Variants in ADRA1A observed in about 807,000 individuals in gnomAD.
ADRA1A encodes the protein alpha-1A adrenergic receptor.
ADRA1A carries 31 observed loss-of-function variants against 29.6 expected under a neutral mutation model. That is an observed-to-expected ratio of 1.05 (90% CI 0.79 to 1.41). ADRA1A has a LOEUF of 1.41. ADRA1A is among the 40% of genes most tolerant of loss of function. ADRA1A has a pLI of 0.00. For synonymous variants in ADRA1A, 311 were observed against 254.3 expected, an observed-to-expected ratio of 1.22 and a Z score of -2.12; for missense variants, 619 against 601.1, an observed-to-expected ratio of 1.03 and a Z score of -0.31.
chr8:26,800,450 G>A (rs1808492412), intron 2 of ADRA1A, among the ~76,000 whole-genome samples: 1 of 152,034 alleles, frequency 6.6e-6, no homozygotes, highest in Non-Finnish European at 1.5e-5. Flanking sequence ...TTCAACAAAT[G>A]GTGTAAGAGT....
intron 2 of ADRA1A, among the ~76,000 whole-genome samples, chr8:26,849,630 C>T (rs1391454899): frequency 6.6e-6 from 1 of 152,154 alleles, no homozygotes; most frequent in Non-Finnish European, 1.5e-5. Context: ...GGAACCTACC[C>T]AGTTTCAAAC....
In ADRA1A at chr8:26,821,393, G is replaced by A. The variant is rs117307082; in HGVS notation, c.883+42694C>T. Among the ~76,000 whole-genome samples, 46 of 152,250 alleles carry A rather than the reference G, an allele frequency of 3.0e-4. No homozygotes were observed. Among genetic ancestry groups the A allele is most frequent in the Non-Finnish European group, 6.0e-4 (41 of 68,008 alleles). On this transcript the variant is annotated intron_variant, in intron 2 of 2. Coordinates refer to ENST00000380573, the MANE Select transcript of ADRA1A (RefSeq NM_000680.4). The surrounding 1 kb of genome is among the most constrained non-coding windows in gnomAD (Gnocchi z 5.6). ...TATCACATGGTGAGAGTGGGAGCAAGACAGAGCAAGGGAGTGGGGAGGCCT... is the reference window on the plus strand; with the variant it reads ...TATCACATGGTGAGAGTGGGAGCAAAACAGAGCAAGGGAGTGGGGAGGCCT...
At chr8:26,843,280 G>A (rs1811961105) in intron 2 of ADRA1A, among the ~76,000 whole-genome samples, 1 of 152,228 alleles carries the variant, frequency 6.6e-6, no homozygotes, top group South Asian at 2.1e-4. Flanking sequence ...TCATCAGCAA[G>A]TGCAGGATAA....
At chr8:26,781,066 C>T (rs1173777617) in intron 2 of ADRA1A, among the ~76,000 whole-genome samples, 4 of 152,224 alleles carry the variant, frequency 2.6e-5, no homozygotes, top group Non-Finnish European at 5.9e-5. Flanking sequence ...ATCCTCCCAT[C>T]TCCAGGCCCA....
At chr8:26,793,396 G>T (rs1035338257) in intron 2 of ADRA1A, among the ~76,000 whole-genome samples, 1 of 151,872 alleles carries the variant, frequency 6.6e-6, no homozygotes, top group African/African-American at 2.4e-5. Context: ...GTCTTAGATG[G>T]TTATATTTAA....
intron 2 of ADRA1A, among the ~76,000 whole-genome samples, chr8:26,801,676 A>G (rs576128328): frequency 7.6e-4 from 70 of 92,282 alleles, no homozygotes; most frequent in African/African-American, 1.1e-3. Flanking sequence ...TACTATTAAA[A>G]TGTTCATAAA....
At chr8:26,756,489 G>A (rs1226402587) in exon 3 of ADRA1A, 2 of 1,504,104 alleles carry the variant, frequency 1.3e-6, no homozygotes, top group Non-Finnish European at 1.8e-6. Flanking sequence ...AAAAAATCGA[G>A]CTATTTGTCC....
intron 2 of ADRA1A, among the ~76,000 whole-genome samples, chr8:26,792,697 T>C (rs567571032): frequency 2.0e-5 from 3 of 147,712 alleles, no homozygotes; most frequent in Non-Finnish European, 4.5e-5. Context: ...CAGGAATATA[T>C]AGATCAGTGT....
chr8:26,827,625 T>C (rs949066301), intron 2 of ADRA1A, among the ~76,000 whole-genome samples: 2 of 152,094 alleles, frequency 1.3e-5, no homozygotes, highest in East Asian at 1.9e-4. Flanking sequence ...TTCTTTCTTT[T>C]TTTTTTCTTT....
At chr8:26,847,378 A>G (rs1464868182) in intron 2 of ADRA1A, among the ~76,000 whole-genome samples, 1 of 152,170 alleles carries the variant, frequency 6.6e-6, no homozygotes, top group Non-Finnish European at 1.5e-5. Context: ...GGAAAAGTTT[A>G]TTATCCTGGG....
rs929604932 is a variant in ADRA1A at position 26,841,425 on chromosome 8, C to T, written c.883+22662G>A. Among the ~76,000 whole-genome samples the T allele has an allele frequency of 1.3e-5, 2 of 152,172 alleles. No homozygotes were observed. Among genetic ancestry groups the T allele is most frequent in the Non-Finnish European group, 2.9e-5 (2 of 68,036 alleles). ...CTAACTGTGAAGGCATCGGGCTTTC[C>T]CAGATATCCTTTGCATTCAAATCCT... On this transcript the variant is annotated intron_variant, in intron 2 of 2. Transcript: ENST00000380573. The surrounding 1 kb of genome is among the most constrained non-coding windows in gnomAD (Gnocchi z 4.4).
intron 2 of ADRA1A, among the ~76,000 whole-genome samples, chr8:26,828,477 C>A (rs973052430): frequency 6.6e-6 from 1 of 152,148 alleles, no homozygotes; most frequent in Non-Finnish European, 1.5e-5. Context: ...ATACATGAGT[C>A]CTTCCTCAGT....
chr8:26,795,907 A>G (rs1808159748), intron 2 of ADRA1A, among the ~76,000 whole-genome samples: 1 of 152,180 alleles, frequency 6.6e-6, no homozygotes, highest in Non-Finnish European at 1.5e-5. Flanking sequence ...CAGGAAATAA[A>G]CTTAGACTTA....
chr8:26,788,522 T>C (rs778569347), intron 2 of ADRA1A, among the ~76,000 whole-genome samples: 1 of 152,198 alleles, frequency 6.6e-6, no homozygotes, highest in Non-Finnish European at 1.5e-5. Flanking sequence ...ATGGTGGCAC[T>C]AATAATAGTA....
At chr8:26,850,039 A>AAAAAACAAAAAACAAAAAAC (rs1812507912) in intron 2 of ADRA1A, among the ~76,000 whole-genome samples, 1 of 148,062 alleles carries the variant, frequency 6.8e-6, no homozygotes, top group African/African-American at 2.5e-5. Context: ...AACAAAAAAC[A>AAAAAACAAAAAACAAAAAAC]AAAAACAAAA....
Position 26,815,670 on chromosome 8 carries a change from T to C in ADRA1A, c.884-45004A>G, listed in dbSNP as rs1404328664. ...GGATACTGTTTGTGGGAGAGAAAGG[T>C]CTCTGTTGAGTACTGAACAAGAATA... On this transcript the variant is annotated intron_variant, in intron 2 of 2. Coordinates refer to ENST00000380573, the MANE Select transcript of ADRA1A (RefSeq NM_000680.4). The surrounding 1 kb of genome is among the most constrained non-coding windows in gnomAD (Gnocchi z 4.2). Among the ~76,000 whole-genome samples the C allele has an allele frequency of 6.6e-6, 1 of 152,074 alleles. No individual in the cohort carries two copies. The highest frequency in any genetic ancestry group is 1.5e-5 in the Non-Finnish European group (1 of 68,028).
At chr8:26,765,811 C>T (rs1204271150), downstream of ADRA1A, 1 of 1,330,560 alleles carries the variant, frequency 7.5e-7, no homozygotes, top group Non-Finnish European at 9.6e-7. Context: ...GCCCCAGAAG[C>T]AATTGAGAAA....
intron 2 of ADRA1A, among the ~76,000 whole-genome samples, chr8:26,788,679 G>A (rs1043393074): frequency 5.9e-5 from 9 of 152,072 alleles, no homozygotes; most frequent in South Asian, 2.1e-4. Context: ...AATGAGACTC[G>A]GGGAGTTTAA....
intron 2 of ADRA1A, among the ~76,000 whole-genome samples, chr8:26,814,347 A>G (rs1809619391): frequency 6.6e-6 from 1 of 152,154 alleles, no homozygotes; most frequent in Non-Finnish European, 1.5e-5. Context: ...GGGTTTAAGC[A>G]ATCTTCCCAC....
Sources: gnomAD v4.1 joint callset for allele counts (sites outside exome capture counted in the v4.1 genomes callset) on GRCh38, gnomAD v4.1.1 for gene constraint, Gnocchi (gnomAD v3.1) non-coding constraint, MANE v1.5 for transcripts, NCBI Gene and HGNC (gene_info 2026-07-23, HGNC 2026-07-21) for gene names.